The following GNL3L variants were observed in gnomAD, a reference collection of about 807,000 sequenced individuals.
GNL3L encodes G protein nucleolar 3 like.
A neutral mutation model predicts 42.9 loss-of-function variants in GNL3L; 4 were observed. That is an observed-to-expected ratio of 0.09 (90% CI 0.05 to 0.21). The LOEUF is 0.21. GNL3L is among the 10% of genes least tolerant of loss of function. GNL3L has a pLI of 1.00. For missense variants in GNL3L, 412 were observed against 481.7 expected (o/e 0.86, Z 1.36); for synonymous variants, 159 against 176.3 (o/e 0.90, Z 0.78).
intron 16 of GNL3L, among the ~76,000 whole-genome samples, chrX:54,572,855 C>G (rs764546429): frequency 9.4e-5 from 10 of 106,766 alleles, no homozygotes; most frequent in African/African-American, 3.0e-4. Flanking sequence ...AGACGCTCCT[C>G]ACCTCCCAGA....
chrX:54,619,679 C>T lies in GNL3L; in HGVS notation c.*46-1166C>T, dbSNP rs905069737. Among the ~76,000 whole-genome samples the T allele has an allele frequency of 4.5e-5, 5 of 110,724 alleles. No individual in the cohort carries two copies. In the South Asian group the frequency reaches 1.6e-3, roughly 34 times the overall value. On this transcript the variant is annotated intron_variant, in intron 16 of 16. Coordinates refer to the GNL3L transcript ENST00000674498. ...CCTGTTTTACATACTTCTATACCCT[C>T]GATTGAGGATGTTTTGTTTCCTGAG...
Position 54,574,784 on chromosome X carries a change from G to T in GNL3L, c.*45+14137G>T, listed in dbSNP as rs147541333. Among the ~76,000 whole-genome samples, 582 of 112,192 alleles carry T rather than the reference G, an allele frequency of 5.2e-3. 4 individuals carry two copies. Among genetic ancestry groups the T allele is most frequent in the African/African-American group, 0.018 (564 of 30,963 alleles). On this transcript the variant is annotated intron_variant, in intron 16 of 16. Transcript: ENST00000674498. ...TCTTTGAGGCAAGATTCCTGATTCG[G>T]TATCTTGTTAAATTTCTGTTAGATT...
intron 13 of GNL3L, among the ~76,000 whole-genome samples, chrX:54,553,485 T>C (rs754238477): frequency 8.9e-6 from 1 of 111,896 alleles, no homozygotes; most frequent in African/African-American, 3.2e-5. Context: ...GCCTGCTTTC[T>C]AGTTTGTATT....
In GNL3L at chrX:54,565,874, G is replaced by A. The variant is rs937523714; in HGVS notation, c.*5272G>A. Among the ~76,000 whole-genome samples, 1 of 96,484 alleles carries A rather than the reference G, an allele frequency of 1.0e-5. No homozygotes were observed. Among genetic ancestry groups the A allele is most frequent in the African/African-American group, 4.0e-5 (1 of 24,813 alleles). The allele number at this position is 96,484 out of a possible 115,157, so 83.8% of individuals were successfully genotyped here. On this transcript the variant is annotated 3_prime_UTR_variant, in exon 16 of 16. Transcript: ENST00000360845. ...ACAGAGTCCTCACCCAGGTTGGAGT[G>A]TAGTGGTGCAATCTCGGCTCACTGC...
chrX:54,607,072 C>CTTCT (rs1231481886), intron 16 of GNL3L, among the ~76,000 whole-genome samples: 4 of 22,831 alleles, frequency 1.8e-4, no homozygotes, highest in African/African-American at 6.3e-4. Context: ...TTCTTTCTTT[C>CTTCT]TCTTTCTTTC....
rs1290157097 is a variant in GNL3L, at chrX:54,560,768, C to A, written c.*166C>A. ...CAGTAAAAACAGTCCCGGCTAGGTG[C>A]TGTGGCTCACGTCTGTAATCCCAGC... On this transcript the variant is annotated 3_prime_UTR_variant, in exon 16 of 16. Coordinates refer to ENST00000360845, the MANE Select transcript of GNL3L (RefSeq NM_001184819.2). The A allele has an allele frequency of 7.3e-6, 3 of 409,384 alleles. No individual in the cohort carries two copies. The highest frequency in any genetic ancestry group is 7.2e-5 in the Admixed American group (2 of 27,641). 33.7% of individuals were successfully genotyped at this position (409,384 alleles called of 1,213,427 possible). A position where few individuals can be genotyped will look rare whatever the true frequency, so the allele number is the denominator to read the frequency against.
At chrX:54,617,752 A>G (rs1417505455) in intron 16 of GNL3L, among the ~76,000 whole-genome samples, 1 of 112,023 alleles carries the variant, frequency 8.9e-6, no homozygotes, top group Non-Finnish European at 1.9e-5. Context: ...CTGTGTGAGA[A>G]CACAGCTAGA....
chrX:54,582,840 C>T (rs1462419010), intron 16 of GNL3L, among the ~76,000 whole-genome samples: 1 of 112,440 alleles, frequency 8.9e-6, no homozygotes, highest in Non-Finnish European at 1.9e-5. Context: ...GCCTTGGCCT[C>T]TCAAAGTGGT....
chrX:54,588,629 A>G (rs1218013318), intron 16 of GNL3L, among the ~76,000 whole-genome samples: 1 of 110,617 alleles, frequency 9.0e-6, no homozygotes, highest in East Asian at 2.8e-4. Context: ...GTTCGAGACC[A>G]GCCTGGCCAA....
chrX:54,571,426 A>G (rs778931328), downstream of GNL3L, among the ~76,000 whole-genome samples: 3 of 105,621 alleles, frequency 2.8e-5, no homozygotes, highest in South Asian at 1.3e-3. Flanking sequence ...CGATCTCCTG[A>G]CCTCGTGATC....
rs1465236168 is a variant in GNL3L at position 54,540,236 on chromosome X, G to A, written c.183G>A (p.Lys61=). Residue 61 remains lysine (K), a synonymous_variant, in exon 4 of 16, where the codon AAG becomes AAA. Coordinates refer to ENST00000360845, the MANE Select transcript of GNL3L (RefSeq NM_001184819.2). The part of the protein sequence containing the change: ...DHANREAELK[K]KWVEEMREKQ... ...CCAATCGAGAGGCTGAATTAAAGAAGAAGTGGGTAAGCTTTTTGCCTTGGT... is the reference window on the plus strand; with the variant it reads ...CCAATCGAGAGGCTGAATTAAAGAAAAAGTGGGTAAGCTTTTTGCCTTGGT... 1 of 1,169,210 alleles carries A rather than the reference G, an allele frequency of 8.6e-7. No homozygotes were observed. The highest frequency in any genetic ancestry group is 3.0e-5 in the East Asian group (1 of 33,690).
the GNL3L span, among the ~76,000 whole-genome samples, chrX:54,643,886 G>A: frequency 9.0e-6 from 1 of 111,639 alleles, no homozygotes; most frequent in Non-Finnish European, 1.9e-5. Flanking sequence ...TTGTTTTTCT[G>A]TGCCTGGCTT....
chrX:54,549,811 G>A (rs761029143), intron 9 of GNL3L, among the ~76,000 whole-genome samples: 7 of 112,106 alleles, frequency 6.2e-5, no homozygotes, highest in Non-Finnish European at 1.1e-4. Context: ...TACCAGACAT[G>A]TCACTATGAG....
In GNL3L at chrX:54,562,202, C is replaced by T. The variant is rs940913654; in HGVS notation, c.*1600C>T. ...CTGGGATTACAGGCACCTGCCACCACGCCTGGCTAGTTTTTGTATTTTTAG... is the reference window on the plus strand; with the variant it reads ...CTGGGATTACAGGCACCTGCCACCATGCCTGGCTAGTTTTTGTATTTTTAG... On this transcript the variant is annotated 3_prime_UTR_variant, in exon 16 of 16. Coordinates refer to ENST00000360845, the MANE Select transcript of GNL3L (RefSeq NM_001184819.2). Among the ~76,000 whole-genome samples the T allele has an allele frequency of 9.8e-5, 11 of 112,006 alleles. No individual in the cohort carries two copies. Among genetic ancestry groups the T allele is most frequent in the African/African-American group, 2.6e-4 (8 of 30,788 alleles).
intron 16 of GNL3L, among the ~76,000 whole-genome samples, chrX:54,580,597 C>A (rs1015034122): frequency 9.0e-6 from 1 of 110,688 alleles, no homozygotes; most frequent in Non-Finnish European, 1.9e-5. Flanking sequence ...TGTGGTTGAA[C>A]TAGTTTCCAG....
chrX:54,580,132 G>A (rs1222687436), intron 16 of GNL3L, among the ~76,000 whole-genome samples: 2 of 92,037 alleles, frequency 2.2e-5, no homozygotes, highest in South Asian at 6.3e-4. Context: ...ATATCTCCTA[G>A]TGCTATCCCT....
chrX:54,604,640 C>G (rs767880436), intron 16 of GNL3L, among the ~76,000 whole-genome samples: 1 of 111,303 alleles, frequency 9.0e-6, no homozygotes, highest in African/African-American at 3.3e-5. Context: ...ACATTGACTC[C>G]AACATTAAAA....
intron 14 of GNL3L, among the ~76,000 whole-genome samples, chrX:54,555,454 C>T (rs928735183): frequency 9.2e-6 from 1 of 108,474 alleles, no homozygotes; most frequent in African/African-American, 3.4e-5. Flanking sequence ...GGACATATGT[C>T]CCAAGGTTTC....
intron 16 of GNL3L, among the ~76,000 whole-genome samples, chrX:54,578,123 A>G (rs752148476): frequency 8.9e-6 from 1 of 111,875 alleles, no homozygotes; most frequent in African/African-American, 3.2e-5. Flanking sequence ...TCTTTAGTCA[A>G]TTATCTATTA....
Sources: gnomAD v4.1 joint callset for allele counts (sites outside exome capture counted in the v4.1 genomes callset) on GRCh38, gnomAD v4.1.1 for gene constraint, MANE v1.5 for transcripts, NCBI Gene and HGNC (gene_info 2026-07-23, HGNC 2026-07-21) for gene names.